Variants in MAD1L1 observed in about 807,000 individuals in gnomAD.
The protein encoded by MAD1L1 is mitotic arrest deficient 1 like 1.
In MAD1L1, 95 loss-of-function variants were observed where a neutral mutation model predicts 96.9. The observed-to-expected ratio is 0.98, with a 90% CI of 0.83 to 1.16. MAD1L1 has a LOEUF of 1.16. MAD1L1 is among the 50% of genes most tolerant of loss of function. MAD1L1 has a pLI of 0.00. For synonymous variants in MAD1L1, 473 were observed against 396.6 expected (o/e 1.19, Z -2.29); for missense variants, 1,007 against 954.4 (o/e 1.06, Z -0.73).
At chr7:1,819,506 C>CT in intron 18 of MAD1L1, among the ~76,000 whole-genome samples, 1 of 152,330 alleles carries the variant, frequency 6.6e-6, no homozygotes, top group South Asian at 2.1e-4. Context: ...AGGGCCTGCC[C>CT]TGGAGGGCCG....
intron 17 of MAD1L1, among the ~76,000 whole-genome samples, chr7:1,928,313 C>A (rs954997839): frequency 6.6e-6 from 1 of 151,572 alleles, no homozygotes; most frequent in African/African-American, 2.4e-5. Context: ...CTGCTCCCGA[C>A]GACCCGCCGG....
chr7:2,111,126 A>G (rs2080061178), intron 11 of MAD1L1, among the ~76,000 whole-genome samples: 1 of 152,214 alleles, frequency 6.6e-6, no homozygotes, highest in African/African-American at 2.4e-5. Context: ...TAAAGACAAG[A>G]GGAACAAAGA....
intron 16 of MAD1L1, among the ~76,000 whole-genome samples, chr7:1,949,312 G>A (rs1412203850): frequency 6.6e-6 from 1 of 152,238 alleles, no homozygotes; most frequent in Non-Finnish European, 1.5e-5. Context: ...GCTCTAAGGA[G>A]CTCTGCCGGG....
At chr7:1,911,375 A>C (rs1788006024) in intron 17 of MAD1L1, among the ~76,000 whole-genome samples, 1 of 151,926 alleles carries the variant, frequency 6.6e-6, no homozygotes, top group Non-Finnish European at 1.5e-5. Flanking sequence ...GAAGGGGAGC[A>C]CTGCCCCCGG....
chr7:2,040,058 T>A (rs1562629241), intron 12 of MAD1L1, among the ~76,000 whole-genome samples: 1 of 152,144 alleles, frequency 6.6e-6, no homozygotes, highest in Admixed American at 6.5e-5. Context: ...AGGGTGCAGA[T>A]CACTGCAGTT....
At chr7:1,946,559 A>G (rs1020612372) in intron 16 of MAD1L1, among the ~76,000 whole-genome samples, 8 of 152,268 alleles carry the variant, frequency 5.3e-5, no homozygotes, top group Non-Finnish European at 1.0e-4. Context: ...CTTTGATGCG[A>G]TGGTGCAATC....
Position 1,888,153 on chromosome 7 carries a change from T to C in MAD1L1, c.1998+10047A>G, listed in dbSNP as rs534627307. Among the ~76,000 whole-genome samples the C allele has an allele frequency of 1.5e-3, 232 of 150,276 alleles. 2 individuals are homozygous for C. The highest frequency in any genetic ancestry group is 9.3e-3 in the East Asian group (47 of 5,032). ...GTGTGCATGTGGCTGCCTGTGCATG[T>C]GTGTGCATGTGTGCAGCTGCCTGTG... On this transcript the variant is annotated intron_variant, in intron 18 of 18. Transcript: ENST00000265854.
intron 12 of MAD1L1, among the ~76,000 whole-genome samples, chr7:2,049,973 A>AGACCACACGTTCACAGGG (rs1244832857): frequency 6.6e-6 from 1 of 151,510 alleles, no homozygotes; most frequent in Non-Finnish European, 1.5e-5. Context: ...TGCGGGCACC[A>AGACCACACGTTCACAGGG]GACCACACGT....
At chr7:1,983,150 GCGCGCACACACACACACACACACA>G (rs1458221070) in intron 14 of MAD1L1, among the ~76,000 whole-genome samples, 4 of 93,220 alleles carry the variant, frequency 4.3e-5, no homozygotes, top group Admixed American at 9.3e-5. Context: ...GCGCGCGCGC[GCGCGCACACACACACACACACACA>G]CACACACACA....
chr7:1,936,743 A>T lies in MAD1L1; in HGVS notation c.1751T>A (p.Val584Asp). ...LLRAMERGGTVPADLEAAAAS... is the reference protein window; with the variant it reads ...LLRAMERGGTDPADLEAAAAS... The stretch of plus-strand genomic sequence containing the variant: ...GGCGGCAGCCTCAAGGTCGGCTGGG[A>T]CGGTGCCTCCTCTCTCCATGGCGCG... The change falls in exon 17 of 19, where the codon GTC becomes GAC. Residue 584 changes from valine to aspartate, a missense_variant. Val to Asp is a radical substitution (Grantham distance 152). Coordinates refer to ENST00000265854, the MANE Select transcript of MAD1L1 (RefSeq NM_001013836.2). The T allele has an allele frequency of 6.4e-7, 1 of 1,565,618 alleles. No individual in the cohort carries two copies. The highest frequency in any genetic ancestry group is 8.6e-7 in the Non-Finnish European group (1 of 1,156,482).
chr7:2,136,696 C>T (rs761020640), intron 11 of MAD1L1, among the ~76,000 whole-genome samples: 25 of 152,270 alleles, frequency 1.6e-4, no homozygotes, highest in South Asian at 4.1e-4. Context: ...GGCATCTCCT[C>T]GGGGCTCAGC....
intron 10 of MAD1L1, among the ~76,000 whole-genome samples, chr7:2,210,257 ACG>A (rs941694972): frequency 3.3e-5 from 5 of 152,076 alleles, no homozygotes; most frequent in African/African-American, 1.2e-4. Context: ...TTTGGTACAC[ACG>A]GGGTCTCAAC....
intron 12 of MAD1L1, among the ~76,000 whole-genome samples, chr7:2,024,714 T>G (rs1269028686): frequency 2.6e-5 from 4 of 152,322 alleles, no homozygotes; most frequent in Admixed American, 2.6e-4. Flanking sequence ...CTATCCCTTG[T>G]GGGCACTTCC....
intron 18 of MAD1L1, among the ~76,000 whole-genome samples, chr7:1,831,145 C>G (rs1178003433): frequency 6.6e-6 from 1 of 150,548 alleles, no homozygotes; most frequent in African/African-American, 2.5e-5. Context: ...GCATTTTTTA[C>G]AAGTTTAAGG....
chr7:1,902,762 C>T lies in MAD1L1; in HGVS notation c.1808-4372G>A, dbSNP rs548872483. Among the ~76,000 whole-genome samples, 11 of 152,324 alleles carry T rather than the reference C, an allele frequency of 7.2e-5. No individual in the cohort carries two copies. The South Asian group carries it at 1.0e-3, about 14-fold the overall frequency. On this transcript the variant is annotated intron_variant, in intron 17 of 18. Transcript: ENST00000265854. ...CAGGCACCGTTCCAGAAAGCAAGGA[C>T]GCAGTGGCCTACGGAAGACGATCTT...
chr7:2,112,734 A>G (rs1787445552), intron 11 of MAD1L1, among the ~76,000 whole-genome samples: 1 of 151,876 alleles, frequency 6.6e-6, no homozygotes, highest in Non-Finnish European at 1.5e-5. Flanking sequence ...AGCACCCCAC[A>G]CCCACATCTC....
chr7:1,904,396 A>T (rs1172855848), intron 17 of MAD1L1, among the ~76,000 whole-genome samples: 1 of 142,010 alleles, frequency 7.0e-6, no homozygotes, highest in Non-Finnish European at 1.5e-5. Flanking sequence ...TGATTGATGA[A>T]GCACTGTTCC....
chr7:2,164,325 G>A (rs1026302614), intron 10 of MAD1L1, among the ~76,000 whole-genome samples: 2 of 152,220 alleles, frequency 1.3e-5, no homozygotes, highest in Non-Finnish European at 2.9e-5. Context: ...CCGCACTCTG[G>A]AGGCAGCCAG....
At chr7:1,958,595 G>A (rs1779826277) in intron 15 of MAD1L1, among the ~76,000 whole-genome samples, 1 of 152,114 alleles carries the variant, frequency 6.6e-6, no homozygotes, top group African/African-American at 2.4e-5. Context: ...AGATCAAGAA[G>A]ATTGATACAA....
Sources: gnomAD v4.1 joint callset for allele counts (sites outside exome capture counted in the v4.1 genomes callset) on GRCh38, gnomAD v4.1.1 for gene constraint, MANE v1.5 for transcripts, NCBI Gene and HGNC (gene_info 2026-07-23, HGNC 2026-07-21) for gene names.